The following NALF1 variants were observed in gnomAD, a reference collection of about 807,000 sequenced individuals.
The protein encoded by NALF1 is family with sequence similarity 155 member A.
NALF1 carries 3 observed loss-of-function variants against 48.4 expected under a neutral mutation model. That is an observed-to-expected ratio of 0.06 (90% CI 0.03 to 0.16). NALF1 has a LOEUF of 0.16. Ranked by LOEUF, NALF1 falls within the 10% of genes least tolerant of loss-of-function variation. The pLI, the probability that NALF1 is intolerant of heterozygous loss-of-function variation, is 1.00. For synonymous variants in NALF1, 262 were observed against 245.7 expected (o/e 1.07, Z -0.62); for missense variants, 526 against 571.5 (o/e 0.92, Z 0.81).
intron 1 of NALF1, among the ~76,000 whole-genome samples, chr13:107,722,199 A>G (rs1408373082): frequency 6.6e-6 from 1 of 152,256 alleles, no homozygotes; most frequent in East Asian, 1.9e-4. Flanking sequence ...TGCGTCACTC[A>G]TATCCTTTCT....
At chr13:107,681,440 C>T (rs946382922) in intron 1 of NALF1, among the ~76,000 whole-genome samples, 5 of 151,888 alleles carry the variant, frequency 3.3e-5, no homozygotes, top group Admixed American at 6.6e-5. Flanking sequence ...TCCCTAATTG[C>T]CCTGGGGTGC....
chr13:107,178,666 A>G (rs778043007), intron 2 of NALF1, among the ~76,000 whole-genome samples: 4 of 152,210 alleles, frequency 2.6e-5, no homozygotes, highest in Non-Finnish European at 5.9e-5. Context: ...AAAATAGGCC[A>G]GGCACGGTGG....
At chr13:107,693,523 A>G (rs1881622323) in intron 1 of NALF1, among the ~76,000 whole-genome samples, 1 of 152,170 alleles carries the variant, frequency 6.6e-6, no homozygotes, top group African/African-American at 2.4e-5. Context: ...AAGAGGTAGG[A>G]AACACTTTTC....
At chr13:107,284,216 G>A (rs1036007275) in intron 1 of NALF1, among the ~76,000 whole-genome samples, 1 of 152,090 alleles carries the variant, frequency 6.6e-6, no homozygotes, top group African/African-American at 2.4e-5. Context: ...GCCCAGGGAA[G>A]GGCACATGCT....
At chr13:107,839,442 G>C (rs559831567) in intron 1 of NALF1, among the ~76,000 whole-genome samples, 3 of 150,358 alleles carry the variant, frequency 2.0e-5, no homozygotes, top group African/African-American at 2.5e-5. Context: ...CTTATCATGA[G>C]AGGATCTCCT....
intron 1 of NALF1, among the ~76,000 whole-genome samples, chr13:107,388,617 C>T (rs1054607139): frequency 6.6e-6 from 1 of 152,154 alleles, no homozygotes; most frequent in African/African-American, 2.4e-5. Context: ...AAATAAATTT[C>T]CCTAGATAGA....
chr13:107,205,907 C>G (rs1262890831), intron 2 of NALF1, among the ~76,000 whole-genome samples: 1 of 151,914 alleles, frequency 6.6e-6, no homozygotes, highest in Non-Finnish European at 1.5e-5. Flanking sequence ...CCAGGGGACT[C>G]TGGAATGAGG....
intron 1 of NALF1, among the ~76,000 whole-genome samples, chr13:107,246,453 T>C (rs969718333): frequency 6.6e-6 from 1 of 152,216 alleles, no homozygotes; most frequent in Non-Finnish European, 1.5e-5. Context: ...CGTAGAGTAA[T>C]TTTATTATTT....
At chr13:107,757,308 T>C (rs922547558) in intron 1 of NALF1, among the ~76,000 whole-genome samples, 4 of 152,014 alleles carry the variant, frequency 2.6e-5, no homozygotes, top group African/African-American at 9.7e-5. Context: ...AGGGGGAGAT[T>C]TGTGGAAAAT....
intron 1 of NALF1, among the ~76,000 whole-genome samples, chr13:107,250,025 TCTCTA>T (rs1880665575): frequency 2.6e-5 from 4 of 151,786 alleles, no homozygotes; most frequent in Non-Finnish European, 5.9e-5. Context: ...TAAAACAGAT[TCTCTA>T]GGGGTTTTAG....
intron 1 of NALF1, among the ~76,000 whole-genome samples, chr13:107,361,067 C>T (rs1471331473): frequency 6.6e-6 from 1 of 152,152 alleles, no homozygotes; most frequent in Admixed American, 6.6e-5. Context: ...AAGTCTTACA[C>T]ATATAAAGAT....
At chr13:107,390,270 G>C (rs1012998484) in intron 1 of NALF1, among the ~76,000 whole-genome samples, 1 of 151,784 alleles carries the variant, frequency 6.6e-6, no homozygotes, top group Admixed American at 6.6e-5. Flanking sequence ...GCTTGAGCCC[G>C]GGAGGTGGAG....
At chr13:107,530,554 T>C (rs1373940054) in intron 1 of NALF1, among the ~76,000 whole-genome samples, 1 of 152,134 alleles carries the variant, frequency 6.6e-6, no homozygotes, top group Non-Finnish European at 1.5e-5. Context: ...CCTGTGATCA[T>C]TTTAGTATAT....
At chr13:107,601,463 A>C (rs1157225140) in intron 1 of NALF1, among the ~76,000 whole-genome samples, 1 of 152,194 alleles carries the variant, frequency 6.6e-6, no homozygotes, top group Non-Finnish European at 1.5e-5. Flanking sequence ...CTTCTGCAAG[A>C]ATGGATTCAG....
At chr13:107,805,292 C>T (rs1403926871) in intron 1 of NALF1, among the ~76,000 whole-genome samples, 2 of 152,108 alleles carry the variant, frequency 1.3e-5, no homozygotes, top group Non-Finnish European at 2.9e-5. Context: ...GATATGCAGT[C>T]TCCTTAAATT....
chr13:107,827,645 TTTTG>T (rs1216199521), intron 1 of NALF1, among the ~76,000 whole-genome samples: 3 of 152,360 alleles, frequency 2.0e-5, no homozygotes, highest in South Asian at 2.1e-4. Context: ...CGCTGTTCAT[TTTTG>T]TTTGTTTTTA....
chr13:107,329,271 T>C (rs1882423045), intron 1 of NALF1, among the ~76,000 whole-genome samples: 1 of 152,200 alleles, frequency 6.6e-6, no homozygotes, highest in East Asian at 1.9e-4. Context: ...TAAAGTTTGA[T>C]TTAATAACAA....
chr13:107,767,971 A>AGG (rs1877462618), intron 1 of NALF1, among the ~76,000 whole-genome samples: 1 of 152,204 alleles, frequency 6.6e-6, no homozygotes, highest in Non-Finnish European at 1.5e-5. Flanking sequence ...ATCCCCGGGC[A>AGG]GTCAATCCAC....
chr13:107,615,492 G>A (rs1030290340), intron 1 of NALF1, among the ~76,000 whole-genome samples: 7 of 152,030 alleles, frequency 4.6e-5, no homozygotes, highest in Admixed American at 3.9e-4. Flanking sequence ...TTATCTCCCC[G>A]TCAACTCTGG....
Sources: allele counts gnomAD v4.1 joint callset (sites outside exome capture counted in the v4.1 genomes callset), GRCh38; gene constraint gnomAD v4.1.1; transcripts MANE v1.5; gene names NCBI Gene and HGNC (gene_info 2026-07-23, HGNC 2026-07-21).